The following ABCD3 variants were observed in gnomAD, a reference collection of about 807,000 sequenced individuals.
ABCD3 encodes the protein ATP binding cassette subfamily D member 3, also known as ATP-binding cassette sub-family D member 3.
A neutral mutation model predicts 105.5 loss-of-function variants in ABCD3; 41 were observed. That is an observed-to-expected ratio of 0.39 (90% confidence interval 0.30 to 0.50). The LOEUF is 0.50. Ranked by LOEUF, ABCD3 falls within the 20% of genes least tolerant of loss-of-function variation. ABCD3 has a pLI of 0.84. For missense variants in ABCD3, 622 were observed against 806.3 expected (o/e 0.77, Z 2.77); for synonymous variants, 258 against 269.0 (o/e 0.96, Z 0.40).
the ABCD3 span, among the ~76,000 whole-genome samples, chr1:94,410,228 C>G: frequency 3.7e-4 from 56 of 152,340 alleles, no homozygotes; most frequent in African/African-American, 1.3e-3. Flanking sequence ...GGAATTTTCA[C>G]TCTCTTATAG....
intron 8 of ABCD3, chr1:94,478,522 A>T: frequency 6.3e-7 from 1 of 1,584,154 alleles, no homozygotes; most frequent in Non-Finnish European, 8.6e-7. Context: ...TCCTTAAATT[A>T]GGTACTTGGA....
At chr1:94,515,002 C>T in intron 21 of ABCD3, 144 bp from the exon 22 acceptor site, 1 of 658,636 alleles carries the variant, frequency 1.5e-6, no homozygotes, top group East Asian at 2.7e-5. Flanking sequence ...AAACATTTTG[C>T]ATCCAGTTGT....
chr1:94,498,188 C>G (rs977984433), intron 16 of ABCD3, among the ~76,000 whole-genome samples: 1 of 152,100 alleles, frequency 6.6e-6, no homozygotes, highest in African/African-American at 2.4e-5. Flanking sequence ...ACCTCAGCCT[C>G]CCAAGTAGCT....
At chr1:94,456,467 A>G (rs1647570515) in intron 1 of ABCD3, among the ~76,000 whole-genome samples, 1 of 150,662 alleles carries the variant, frequency 6.6e-6, no homozygotes, top group African/African-American at 2.4e-5. Context: ...TAGTAGAGAC[A>G]GAGTTTCACC....
At chr1:94,457,386 TG>T (rs1205700144) in intron 1 of ABCD3, among the ~76,000 whole-genome samples, 2 of 152,224 alleles carry the variant, frequency 1.3e-5, no homozygotes, top group Non-Finnish European at 2.9e-5. Context: ...TAGTCTTGTT[TG>T]GTGTCCTGGT....
At chr1:94,461,204 T>C (rs1647850904) in intron 2 of ABCD3, among the ~76,000 whole-genome samples, 1 of 152,148 alleles carries the variant, frequency 6.6e-6, no homozygotes, top group African/African-American at 2.4e-5. Context: ...GTCAGAATTT[T>C]CTAATTTTTC....
chr1:94,398,172 G>A, the ABCD3 span, among the ~76,000 whole-genome samples: 1 of 152,058 alleles, frequency 6.6e-6, no homozygotes, highest in African/African-American at 2.4e-5. Flanking sequence ...GCAAATGAAA[G>A]CTCTTTTTAT....
intron 4 of ABCD3, 111 bp from the exon 5 acceptor site, chr1:94,473,655 G>A: frequency 2.3e-6 from 2 of 876,550 alleles, no homozygotes; most frequent in Non-Finnish European, 3.7e-6. Flanking sequence ...TTTATTGATT[G>A]TTTTGATTTA....
chr1:94,401,557 A>G, the ABCD3 span, among the ~76,000 whole-genome samples: 2 of 152,258 alleles, frequency 1.3e-5, no homozygotes, highest in Non-Finnish European at 2.9e-5. Context: ...GACATTTGAG[A>G]TAAATTATTT....
At chr1:94,435,361 G>A (rs1659859995) in intron 1 of ABCD3, among the ~76,000 whole-genome samples, 1 of 152,106 alleles carries the variant, frequency 6.6e-6, no homozygotes, top group African/African-American at 2.4e-5. Flanking sequence ...GCAACGTAAT[G>A]AGACCCTGTG....
chr1:94,471,638 AAT>A (rs1648464658), intron 4 of ABCD3, among the ~76,000 whole-genome samples: 1 of 152,168 alleles, frequency 6.6e-6, no homozygotes, highest in Non-Finnish European at 1.5e-5. Context: ...GAAATTCTTT[AAT>A]ATTTGGACCT....
At chr1:94,515,090 T>C (rs1570847756) in intron 21 of ABCD3, 56 bp from the exon 22 acceptor site, 2 of 1,296,526 alleles carry the variant, frequency 1.5e-6, no homozygotes, top group East Asian at 4.6e-5. Flanking sequence ...GTACATGGAC[T>C]AGTTTAATTT....
intron 21 of ABCD3, among the ~76,000 whole-genome samples, chr1:94,510,051 T>G (rs1311794252): frequency 1.3e-5 from 2 of 152,192 alleles, no homozygotes; most frequent in African/African-American, 4.8e-5. Context: ...GTGTTTTCTC[T>G]TGCTTTTCTA....
intron 10 of ABCD3, 46 bp downstream of exon 10, chr1:94,483,285 T>TTTTG (rs753907687): frequency 1.3e-6 from 2 of 1,481,984 alleles, no homozygotes; most frequent in Non-Finnish European, 1.9e-6. Context: ...AAAGGGTTTT[T>TTTTG]TTTGTTTGTT....
chr1:94,409,096 G>A, the ABCD3 span, among the ~76,000 whole-genome samples: 6 of 152,008 alleles, frequency 3.9e-5, no homozygotes, highest in Admixed American at 3.9e-4. Flanking sequence ...AGGGGAGGAA[G>A]TAGGGAAGGT....
chr1:94,392,525 T>C, the ABCD3 span, among the ~76,000 whole-genome samples: 1 of 152,346 alleles, frequency 6.6e-6, no homozygotes, highest in African/African-American at 2.4e-5. Context: ...ATTCTATCCA[T>C]CTTACCTTAA....
At chr1:94,507,669 T>TA (rs1487072872) in intron 21 of ABCD3, among the ~76,000 whole-genome samples, 1 of 152,154 alleles carries the variant, frequency 6.6e-6, no homozygotes, top group African/African-American at 2.4e-5. Flanking sequence ...CCTGACTTTT[T>TA]AATGATTGCC....
At chr1:94,426,386 CT>C (rs372084206) in intron 1 of ABCD3, among the ~76,000 whole-genome samples, 424 of 152,280 alleles carry the variant, frequency 2.8e-3, no homozygotes, top group African/African-American at 9.8e-3. Context: ...GAACTGTGAC[CT>C]ACCTTGTCCT....
chr1:94,399,829 T>C, the ABCD3 span, among the ~76,000 whole-genome samples: 2 of 152,178 alleles, frequency 1.3e-5, no homozygotes, highest in African/African-American at 4.8e-5. Context: ...CCAGATAATA[T>C]TTACTTTCTA....
Sources: gnomAD v4.1 joint callset for allele counts (sites outside exome capture counted in the v4.1 genomes callset) on GRCh38, gnomAD v4.1.1 for gene constraint, MANE v1.5 for transcripts, NCBI Gene and HGNC (gene_info 2026-07-23, HGNC 2026-07-21) for gene names.